The following DNAJC10 variants were observed in gnomAD, a reference collection of about 807,000 sequenced individuals.
DNAJC10 encodes the protein DnaJ heat shock protein family (Hsp40) member C10.
In DNAJC10, 101 loss-of-function variants were observed where a neutral mutation model predicts 115.0. That is an observed-to-expected ratio of 0.88 (90% CI 0.75 to 1.04). DNAJC10 has a LOEUF of 1.04. DNAJC10 is among the 50% of genes least tolerant of loss of function. DNAJC10 has a pLI of 0.00. For missense variants in DNAJC10, 981 were observed against 928.8 expected, an observed-to-expected ratio of 1.06 and a Z score of -0.73; for synonymous variants, 307 against 301.5, an observed-to-expected ratio of 1.02 and a Z score of -0.19.
rs774935421 is a variant in DNAJC10, at chr2:182,757,759, A to T, written c.1877A>T (p.Glu626Val). The change falls in exon 19 of 24, where the codon GAA (glutamate) becomes GTA (valine). Residue 626 changes from glutamate to valine, a missense_variant. Coordinates refer to ENST00000264065, the MANE Select transcript of DNAJC10 (RefSeq NM_018981.4). ...CQQYHSFCAQ[E>V]NVQRYPEIRF... ...CAGTATCATTCTTTTTGTGCCCAGGAAAACGTTCAAAGATACCCTGAGATA... is the reference window on the plus strand; with the variant it reads ...CAGTATCATTCTTTTTGTGCCCAGGTAAACGTTCAAAGATACCCTGAGATA... The T allele has an allele frequency of 6.3e-7, 1 of 1,599,014 alleles. No homozygotes were observed. Among genetic ancestry groups the T allele is most frequent in the South Asian group, 1.1e-5 (1 of 89,448 alleles).
chr2:182,759,353 T>C, intron 21 of DNAJC10, 46 bp downstream of exon 21: 1 of 1,548,988 alleles, frequency 6.5e-7, no homozygotes, highest in Non-Finnish European at 8.7e-7. Context: ...ATTCATGTTT[T>C]AGTAATTAGA....
At chr2:182,730,189 G>A (rs542967244) in intron 8 of DNAJC10, among the ~76,000 whole-genome samples, 1 of 152,130 alleles carries the variant, frequency 6.6e-6, no homozygotes, top group African/African-American at 2.4e-5. Flanking sequence ...GGTAAAAAAG[G>A]CATCTCTCAA....
At position 182,788,958 on chromosome 2, in the gene DNAJC10, C is replaced by G. The variant is rs546316665; in HGVS notation, c.*11826C>G. On this transcript the variant is annotated 3_prime_UTR_variant, in exon 24 of 24. Transcript: ENST00000264065. Reference sequence around the variant, plus strand: ...AAATTTATTAATCATTTTAAAGTAGCATACAGTTCAGTAGTGTTAAGTAAT... The same window carrying G: ...AAATTTATTAATCATTTTAAAGTAGGATACAGTTCAGTAGTGTTAAGTAAT... 2.6e-6 allele frequency: 1 copy of G among 380,944 alleles called. No homozygotes were observed. The highest frequency in any genetic ancestry group is 7.3e-5 in the East Asian group (1 of 13,762). The allele number at this position is 380,944 out of a possible 1,614,324, so 23.6% of individuals were successfully genotyped here. A position where few individuals can be genotyped will look rare whatever the true frequency, so the allele number is the denominator to read the frequency against.
At chr2:182,728,794 A>G in intron 6 of DNAJC10, 69 bp from the exon 7 acceptor site, 1 of 1,563,744 alleles carries the variant, frequency 6.4e-7, no homozygotes, top group South Asian at 1.1e-5. Flanking sequence ...AAAAATATAT[A>G]GCTTGGAGTG....
At chr2:182,756,714 G>T (rs995753236) in intron 18 of DNAJC10, among the ~76,000 whole-genome samples, 6 of 151,668 alleles carry the variant, frequency 4.0e-5, no homozygotes, top group African/African-American at 1.5e-4. Flanking sequence ...GCAGAGTCTC[G>T]CTCTGGAGTG....
intron 17 of DNAJC10, 123 bp from the exon 18 acceptor site, chr2:182,756,191 A>G (rs1031298487): frequency 1.1e-5 from 9 of 831,902 alleles, no homozygotes; most frequent in Admixed American, 6.4e-5. Context: ...CCAAAATTCA[A>G]AATTCTCAAT....
intron 11 of DNAJC10, among the ~76,000 whole-genome samples, chr2:182,737,344 A>G (rs78004285): frequency 0.011 from 1,742 of 152,300 alleles, 29 homozygotes; most frequent in African/African-American, 0.04. Context: ...CTGCTTTTTT[A>G]GATGTTGATA....
chr2:182,728,677 C>A lies in DNAJC10; in HGVS notation c.501+19C>A. The A allele has an allele frequency of 6.3e-7, 1 of 1,592,950 alleles. No individual in the cohort carries two copies. The highest frequency in any genetic ancestry group is 1.1e-5 in the South Asian group (1 of 88,016). ...TCCCACAGTATGTATTTTTCACATCCTCATTACTAGTTTTATTTCTAATTG... is the reference window on the plus strand; with the variant it reads ...TCCCACAGTATGTATTTTTCACATCATCATTACTAGTTTTATTTCTAATTG... On this transcript the variant is annotated intron_variant, in intron 6 of 23. Transcript: ENST00000264065.
At chr2:182,774,757 G>T (rs1376840911) in intron 22 of DNAJC10, among the ~76,000 whole-genome samples, 1 of 152,228 alleles carries the variant, frequency 6.6e-6, no homozygotes, top group Non-Finnish European at 1.5e-5. Context: ...GTCTGTCACG[G>T]TTTCCCTTGG....
At position 182,740,290 on chromosome 2, in the gene DNAJC10, T is replaced by G. The variant is rs1388449804; in HGVS notation, c.988-9T>G. ...TCAAAAAGATTACAATGTGATTTTCTTTTTCTAGTTTCTCAACTCATTGGA... is the reference window on the plus strand; with the variant it reads ...TCAAAAAGATTACAATGTGATTTTCGTTTTCTAGTTTCTCAACTCATTGGA... On this transcript the variant is annotated splice_polypyrimidine_tract_variant and intron_variant, in intron 11 of 23. Coordinates refer to ENST00000264065, the MANE Select transcript of DNAJC10 (RefSeq NM_018981.4). 1 of 1,398,512 alleles carries G rather than the reference T, an allele frequency of 7.2e-7. No individual in the cohort carries two copies. The highest frequency in any genetic ancestry group is 2.5e-5 in the Admixed American group (1 of 40,520). The allele number at this position is 1,398,512 out of a possible 1,614,324, so 86.6% of individuals were successfully genotyped here. A position where few individuals can be genotyped will look rare whatever the true frequency, so the allele number is the denominator to read the frequency against.
intron 19 of DNAJC10, among the ~76,000 whole-genome samples, chr2:182,758,147 CTG>C (rs1694203528): frequency 6.6e-6 from 1 of 152,170 alleles, no homozygotes; most frequent in South Asian, 2.1e-4. Flanking sequence ...CACATATGCT[CTG>C]TGAACTAGGA....
chr2:182,792,226 A>G lies in DNAJC10; in HGVS notation c.*15094A>G, dbSNP rs1442220619. 1 of 152,218 alleles carries G rather than the reference A, an allele frequency of 6.6e-6. No individual in the cohort carries two copies. Among genetic ancestry groups the G allele is most frequent in the East Asian group, 1.9e-4 (1 of 5,200 alleles). 9.4% of individuals were successfully genotyped at this position (152,218 alleles called of 1,614,324 possible). On this transcript the variant is annotated 3_prime_UTR_variant, in exon 24 of 24. Coordinates refer to ENST00000264065, the MANE Select transcript of DNAJC10 (RefSeq NM_018981.4). ...ACAATTATTTTTTTATCTCCATGCT[A>G]TAATCTTGCACAAGTTTCATTAGAA...
At chr2:182,748,645 C>T (rs967630369) in intron 14 of DNAJC10, among the ~76,000 whole-genome samples, 2 of 152,028 alleles carry the variant, frequency 1.3e-5, no homozygotes, top group East Asian at 1.9e-4. Flanking sequence ...GTCTTGCTAG[C>T]GGTCTATCAG....
At chr2:182,769,630 A>C (rs958095467) in intron 22 of DNAJC10, among the ~76,000 whole-genome samples, 1 of 152,110 alleles carries the variant, frequency 6.6e-6, no homozygotes, top group African/African-American at 2.4e-5. Flanking sequence ...TCTTCTTTTG[A>C]GAAGTGTCTG....
intron 21 of DNAJC10, among the ~76,000 whole-genome samples, chr2:182,760,053 A>G (rs1055880610): frequency 1.3e-5 from 2 of 152,208 alleles, no homozygotes; most frequent in African/African-American, 4.8e-5. Context: ...TAATATGCAT[A>G]CATTGACTTC....
intron 16 of DNAJC10, 72 bp from the exon 17 acceptor site, chr2:182,754,931 A>G: frequency 7.4e-7 from 1 of 1,349,468 alleles, no homozygotes; most frequent in Non-Finnish European, 1.0e-6. Context: ...ACTTAAAGGC[A>G]AACTTGTTAT....
chr2:182,741,809 A>G (rs1693744238), intron 13 of DNAJC10, among the ~76,000 whole-genome samples: 1 of 152,160 alleles, frequency 6.6e-6, no homozygotes, highest in African/African-American at 2.4e-5. Flanking sequence ...GAGTGCCCAT[A>G]TGCATATGTA....
chr2:182,766,218 A>G (rs192523390), intron 22 of DNAJC10, among the ~76,000 whole-genome samples: 1 of 152,260 alleles, frequency 6.6e-6, no homozygotes, highest in African/African-American at 2.4e-5. Context: ...AAAAATCATG[A>G]TCAGCTGGAC....
chr2:182,740,481 C>G, intron 12 of DNAJC10, 93 bp downstream of exon 12: 1 of 1,228,450 alleles, frequency 8.1e-7, no homozygotes, highest in Non-Finnish European at 1.1e-6. Context: ...TTATTCATCT[C>G]TAGAGAGAAT....
Sources: allele counts gnomAD v4.1 joint callset (sites outside exome capture counted in the v4.1 genomes callset), GRCh38; gene constraint gnomAD v4.1.1; transcripts MANE v1.5; gene names NCBI Gene and HGNC (gene_info 2026-07-23, HGNC 2026-07-21).